The following SUPT3H variants were observed in gnomAD, a reference collection of about 807,000 sequenced individuals.
SUPT3H encodes transcription initiation protein SPT3 homolog.
In SUPT3H, 44 loss-of-function variants were observed where a neutral mutation model predicts 44.3. That is an observed-to-expected ratio of 0.99 (90% CI 0.78 to 1.28). The LOEUF (loss-of-function observed/expected upper bound fraction) is 1.28. Ranked by LOEUF, SUPT3H falls within the 50% of genes most tolerant of loss-of-function variation. SUPT3H has a pLI of 0.00. For missense variants in SUPT3H, 380 were observed against 387.1 expected, an observed-to-expected ratio of 0.98 and a Z score of 0.15; for synonymous variants, 124 against 125.6, an observed-to-expected ratio of 0.99 and a Z score of 0.09.
At chr6:45,274,502 G>T (rs1371478824) in intron 2 of SUPT3H, among the ~76,000 whole-genome samples, 1 of 152,144 alleles carries the variant, frequency 6.6e-6, no homozygotes, top group Non-Finnish European at 1.5e-5. Context: ...TGAAGAAGAG[G>T]TCCAAATTAT....
intron 1 of SUPT3H, among the ~76,000 whole-genome samples, chr6:45,367,624 C>T (rs1026004257): frequency 2.6e-5 from 4 of 152,098 alleles, no homozygotes; most frequent in East Asian, 1.9e-4. Context: ...GAGCTATCTT[C>T]GAGAACATGT....
chr6:45,122,038 CA>C (rs11437930), intron 2 of SUPT3H, among the ~76,000 whole-genome samples: 10 of 147,500 alleles, frequency 6.8e-5, no homozygotes, highest in African/African-American at 1.2e-4. Context: ...CATTTAAAAA[CA>C]AAAAAAAAAG....
At chr6:44,920,683 T>C (rs1461568424) in intron 10 of SUPT3H, among the ~76,000 whole-genome samples, 1 of 152,178 alleles carries the variant, frequency 6.6e-6, no homozygotes, top group Non-Finnish European at 1.5e-5. Flanking sequence ...GCAGAACAGT[T>C]TGCTAACTGC....
At chr6:45,120,916 C>T (rs1266645260) in intron 2 of SUPT3H, among the ~76,000 whole-genome samples, 1 of 151,916 alleles carries the variant, frequency 6.6e-6, no homozygotes, top group Non-Finnish European at 1.5e-5. Context: ...AAAATTTGAA[C>T]AATATTAGAA....
intron 10 of SUPT3H, among the ~76,000 whole-genome samples, chr6:44,920,491 G>T (rs1323180347): frequency 6.6e-6 from 1 of 150,470 alleles, no homozygotes; most frequent in Non-Finnish European, 1.5e-5. Flanking sequence ...GAGCCTGGGA[G>T]ATGGAGGCTG....
intron 2 of SUPT3H, among the ~76,000 whole-genome samples, chr6:45,164,686 A>G (rs1028916277): frequency 1.3e-5 from 2 of 152,138 alleles, no homozygotes; most frequent in Non-Finnish European, 2.9e-5. Flanking sequence ...GTATACCAGA[A>G]AGTCTGAGGA....
chr6:45,057,111 AT>A (rs1209391768), intron 3 of SUPT3H, among the ~76,000 whole-genome samples: 2 of 152,192 alleles, frequency 1.3e-5, no homozygotes, highest in Non-Finnish European at 2.9e-5. Context: ...TATTAATAAC[AT>A]GAGATATACC....
At chr6:45,098,890 G>T in intron 3 of SUPT3H, 1 of 543,142 alleles carries the variant, frequency 1.8e-6, no homozygotes, top group Non-Finnish European at 3.7e-6. Context: ...GATTGTCAAT[G>T]GCTGTAGACT....
At chr6:45,175,612 C>T (rs979077542) in intron 2 of SUPT3H, among the ~76,000 whole-genome samples, 3 of 152,048 alleles carry the variant, frequency 2.0e-5, no homozygotes, top group Non-Finnish European at 4.4e-5. Context: ...TCTCTAGCAG[C>T]AGTACTCATG....
chr6:44,906,723 C>A (rs748502621), intron 10 of SUPT3H, among the ~76,000 whole-genome samples: 3 of 152,172 alleles, frequency 2.0e-5, no homozygotes, highest in Non-Finnish European at 4.4e-5. Flanking sequence ...GACTGCGCCA[C>A]TGCACTCCAA....
At chr6:44,810,047 G>A (rs1766405827) in intron 11 of SUPT3H, among the ~76,000 whole-genome samples, 1 of 152,218 alleles carries the variant, frequency 6.6e-6, no homozygotes, top group Non-Finnish European at 1.5e-5. Context: ...CCAAGACTGG[G>A]CCTGTGGGTC....
chr6:45,202,197 C>T (rs1762543461), intron 2 of SUPT3H, among the ~76,000 whole-genome samples: 1 of 151,722 alleles, frequency 6.6e-6, no homozygotes. Context: ...TTGACATACC[C>T]AATAATTGGA....
chr6:45,244,457 T>C (rs1419716643), intron 2 of SUPT3H, among the ~76,000 whole-genome samples: 1 of 152,200 alleles, frequency 6.6e-6, no homozygotes, highest in African/African-American at 2.4e-5. Context: ...TCCAATCTTA[T>C]GCTCTCCTTC....
At chr6:45,200,982 G>C (rs1260108995) in intron 2 of SUPT3H, among the ~76,000 whole-genome samples, 4 of 151,398 alleles carry the variant, frequency 2.6e-5, no homozygotes, top group African/African-American at 9.7e-5. Context: ...ATACACATAA[G>C]CACCTATGTA....
At chr6:44,863,243 A>G (rs1774951136) in intron 10 of SUPT3H, among the ~76,000 whole-genome samples, 1 of 152,246 alleles carries the variant, frequency 6.6e-6, no homozygotes, top group Admixed American at 6.5e-5. Flanking sequence ...CCAAACAGGT[A>G]AAGTCCATGC....
chr6:45,085,824 A>C (rs917700170), intron 3 of SUPT3H, among the ~76,000 whole-genome samples: 2 of 152,238 alleles, frequency 1.3e-5, no homozygotes, highest in Admixed American at 6.5e-5. Context: ...GATCAAAAGA[A>C]GAATGATAAT....
intron 10 of SUPT3H, among the ~76,000 whole-genome samples, chr6:44,912,111 T>C (rs1327998063): frequency 6.6e-6 from 1 of 152,140 alleles, no homozygotes; most frequent in Non-Finnish European, 1.5e-5. Flanking sequence ...ATAACAAAAT[T>C]TGTCATTTTA....
intron 10 of SUPT3H, among the ~76,000 whole-genome samples, chr6:44,849,234 T>TTTC (rs1442177029): frequency 8.4e-5 from 12 of 143,216 alleles, no homozygotes; most frequent in Admixed American, 6.3e-4. Flanking sequence ...TTTTTTTTTT[T>TTTC]TTTTTTTTTT....
intron 10 of SUPT3H, among the ~76,000 whole-genome samples, chr6:44,880,438 A>G (rs1374238692): frequency 6.6e-6 from 1 of 152,170 alleles, no homozygotes; most frequent in Non-Finnish European, 1.5e-5. Context: ...TGAAAAGACC[A>G]AACCTACACT....
Sources: gnomAD v4.1 joint callset for allele counts (sites outside exome capture counted in the v4.1 genomes callset) on GRCh38, gnomAD v4.1.1 for gene constraint, MANE v1.5 for transcripts, NCBI Gene and HGNC (gene_info 2026-07-23, HGNC 2026-07-21) for gene names.